The following PIP5K1C variants were observed in gnomAD, a reference collection of about 807,000 sequenced individuals.
The protein encoded by PIP5K1C is phosphatidylinositol-4-phosphate 5-kinase type 1 gamma.
In PIP5K1C, 45 loss-of-function variants were observed where a neutral mutation model predicts 80.1. That is an observed-to-expected ratio of 0.56 (90% CI 0.44 to 0.72). The LOEUF is 0.72. PIP5K1C is among the 30% of genes least tolerant of loss of function. The pLI is 0.00. For synonymous variants in PIP5K1C, 498 were observed against 420.1 expected, an observed-to-expected ratio of 1.19 and a Z score of -2.27; for missense variants, 753 against 954.6, an observed-to-expected ratio of 0.79 and a Z score of 2.78.
At chr19:3,638,456 A>C (rs73532058) in intron 16 of PIP5K1C, among the ~76,000 whole-genome samples, 3,423 of 152,326 alleles carry the variant, frequency 0.022, 126 homozygotes, top group African/African-American at 0.078. Flanking sequence ...TCCTGCCGCC[A>C]CAGCCCTGTC....
At chr19:3,691,019 G>T (rs1436268133) in intron 1 of PIP5K1C, among the ~76,000 whole-genome samples, 1 of 152,200 alleles carries the variant, frequency 6.6e-6, no homozygotes, top group African/African-American at 2.4e-5. Flanking sequence ...GGTGACCGTC[G>T]GGAGGAGTGG....
In PIP5K1C at chr19:3,688,723, G is replaced by A. The variant is rs1192468898; in HGVS notation, c.94+11574C>T. Among the ~76,000 whole-genome samples, 1 of 152,090 alleles carries A rather than the reference G, an allele frequency of 6.6e-6. No homozygotes were observed. Among genetic ancestry groups the A allele is most frequent in the African/African-American group, 2.4e-5 (1 of 41,404 alleles). ...AGAGAAGCTTTGCTCAAACAGGACT[G>A]AGAGCGGAAAGAGAGAGAGAGAGAG... is the stretch of plus-strand genomic sequence containing the variant. On this transcript the variant is annotated intron_variant, in intron 1 of 17. Coordinates refer to ENST00000335312, the MANE Select transcript of PIP5K1C (RefSeq NM_012398.3). The surrounding 1 kb of genome is among the most constrained non-coding windows in gnomAD (Gnocchi z 5.3).
At chr19:3,638,777 T>C (rs891975449) in intron 16 of PIP5K1C, 107 bp downstream of exon 16, 6 of 1,441,508 alleles carry the variant, frequency 4.2e-6, no homozygotes, top group Non-Finnish European at 5.8e-6. Flanking sequence ...CAGGGCACAC[T>C]CACGTGCCTG....
rs1279653270 is a variant in PIP5K1C, at chr19:3,641,744, C to A, written c.1748G>T (p.Cys583Phe). 6.2e-6 allele frequency: 10 copies of A among 1,611,252 alleles called. No individual in the cohort carries two copies. The South Asian group carries it at 1.1e-4, about 18-fold the overall frequency. The change falls in exon 15 of 18, where the codon TGC (cysteine) becomes TTC (phenylalanine). Residue 583 changes from cysteine to phenylalanine, a missense_variant. Around this residue, in one of 6 missense-constraint regions of PIP5K1C, gnomAD observed 315 missense variants for 294.5 expected, o/e 1.07. Coordinates refer to ENST00000335312, the MANE Select transcript of PIP5K1C (RefSeq NM_012398.3). ...QQITVQVEPA[C>F]SVEIVVPKEE... ...TTTGGGGACCACAATCTCCACGCTG[C>A]ACGCAGGCTCCACCTGCACTGTAAT...
At chr19:3,655,877 CT>C (rs989090736) in intron 6 of PIP5K1C, among the ~76,000 whole-genome samples, 1 of 152,236 alleles carries the variant, frequency 6.6e-6, no homozygotes, top group Non-Finnish European at 1.5e-5. Context: ...CCTACTCCTA[CT>C]CCCCCCTCCC....
intron 6 of PIP5K1C, 106 bp from the exon 7 acceptor site, chr19:3,653,695 G>T: frequency 9.3e-7 from 1 of 1,076,266 alleles, no homozygotes; most frequent in Non-Finnish European, 1.3e-6. Flanking sequence ...CCCCTGGCCA[G>T]CCCCCCTCTC....
chr19:3,639,185 G>A (rs1386937141), intron 15 of PIP5K1C, among the ~76,000 whole-genome samples, 169 bp from the exon 16 acceptor site: 1 of 152,182 alleles, frequency 6.6e-6, no homozygotes, highest in African/African-American at 2.4e-5. Context: ...TCGCAAATCA[G>A]AACAAACCTC....
rs2034808686 is a variant in PIP5K1C at position 3,660,857 on chromosome 19, C to T, written c.468+109G>A. ...GGCCCTGAACCTGACCATAACCCTA[C>T]ACGAGGAACCCAGGGAGGCTGCCCC... On this transcript the variant is annotated intron_variant, in intron 5 of 17. Transcript: ENST00000335312. 17 of 825,146 alleles carry T rather than the reference C, an allele frequency of 2.1e-5. 1 individual carries two copies. The highest frequency in any genetic ancestry group is 3.4e-5 in the Non-Finnish European group (16 of 476,090). 51.1% of individuals were successfully genotyped at this position (825,146 alleles called of 1,614,324 possible).
At chr19:3,699,337 TG>T (rs370250237) in intron 1 of PIP5K1C, among the ~76,000 whole-genome samples, 741 of 26,500 alleles carry the variant, frequency 0.028, 6 homozygotes, top group African/African-American at 0.086. Context: ...AGGCGGGGGG[TG>T]GGGGGGGGAC....
chr19:3,675,387 T>A (rs369454181), intron 1 of PIP5K1C, among the ~76,000 whole-genome samples: 1 of 151,792 alleles, frequency 6.6e-6, no homozygotes, highest in African/African-American at 2.4e-5. Context: ...CTAAAGGAGG[T>A]TGGGGGACTT....
chr19:3,645,824 G>C, intron 11 of PIP5K1C, 150 bp downstream of exon 11: 1 of 743,774 alleles, frequency 1.3e-6, no homozygotes, highest in South Asian at 1.4e-5. Context: ...CCCTACCTCC[G>C]GATGAGGCCC....
At chr19:3,678,008 T>TGGAGGGATGGAGAGAC (rs1346544700) in intron 1 of PIP5K1C, among the ~76,000 whole-genome samples, 2 of 59,430 alleles carry the variant, frequency 3.4e-5, no homozygotes, top group African/African-American at 8.4e-5. Flanking sequence ...GATGGACAGA[T>TGGAGGGATGGAGAGAC]GGAGGGATGG....
At position 3,692,034 on chromosome 19, in the gene PIP5K1C, G is replaced by A. The variant is rs1452143612; in HGVS notation, c.94+8263C>T. 6.6e-6 allele frequency among the ~76,000 whole-genome samples: 1 copy of A among 152,190 alleles called. No homozygotes were observed. Among genetic ancestry groups the A allele is most frequent in the Non-Finnish European group, 1.5e-5 (1 of 68,032 alleles). On this transcript the variant is annotated intron_variant, in intron 1 of 17. Coordinates refer to ENST00000335312, the MANE Select transcript of PIP5K1C (RefSeq NM_012398.3). The surrounding 1 kb of genome is among the most constrained non-coding windows in gnomAD (Gnocchi z 5.2). ...ATGCACCGTGGCCAGTCCAAGCACC[G>A]CACGGGAAGGGTGCACAGTGGGAGC...
At chr19:3,657,564 C>T (rs994838133) in intron 5 of PIP5K1C, among the ~76,000 whole-genome samples, 1 of 152,092 alleles carries the variant, frequency 6.6e-6, no homozygotes, top group Non-Finnish European at 1.5e-5. Flanking sequence ...TGCTGCGTGC[C>T]GCCTCCAATG....
intron 1 of PIP5K1C, among the ~76,000 whole-genome samples, chr19:3,697,975 A>G (rs967297770): frequency 6.6e-6 from 1 of 152,224 alleles, no homozygotes; most frequent in Non-Finnish European, 1.5e-5. Context: ...AACACCAACG[A>G]GACATTGCTT....
chr19:3,677,934 TGGAGGGATGGAG>T (rs1349671316), intron 1 of PIP5K1C, among the ~76,000 whole-genome samples: 1 of 52,790 alleles, frequency 1.9e-5, no homozygotes, highest in Non-Finnish European at 3.7e-5. Flanking sequence ...GGATGGAGAA[TGGAGGGATGGAG>T]GGAGGGATGG....
intron 6 of PIP5K1C, among the ~76,000 whole-genome samples, chr19:3,655,823 G>T (rs2034602576): frequency 6.6e-6 from 1 of 152,210 alleles, no homozygotes; most frequent in Admixed American, 6.5e-5. Context: ...GTCTGGGCGA[G>T]TACCGGAATC....
At chr19:3,644,423 G>A (rs1054560763) in intron 11 of PIP5K1C, among the ~76,000 whole-genome samples, 172 bp from the exon 12 acceptor site, 2 of 152,162 alleles carry the variant, frequency 1.3e-5, no homozygotes, top group African/African-American at 4.8e-5. Context: ...GTCTGCCTGG[G>A]GAGGGACTGC....
At chr19:3,664,788 G>A (rs2034954974) in intron 3 of PIP5K1C, 34 bp downstream of exon 3, 6 of 1,550,386 alleles carry the variant, frequency 3.9e-6, no homozygotes, top group Non-Finnish European at 5.3e-6. Context: ...GCTCTGTCCC[G>A]CTCCCTCCAG....
Sources: allele counts gnomAD v4.1 joint callset (sites outside exome capture counted in the v4.1 genomes callset), GRCh38; gene constraint gnomAD v4.1.1; regional missense constraint gnomAD v4.1.1; non-coding constraint Gnocchi (gnomAD v3.1); transcripts MANE v1.5; gene names NCBI Gene and HGNC (gene_info 2026-07-23, HGNC 2026-07-21).